LRFN2: variants seen among roughly 807,000 people sequenced by gnomAD.
The protein encoded by LRFN2 is leucine-rich repeat and fibronectin type-III domain-containing protein 2.
In LRFN2, 18 loss-of-function variants were observed where a neutral mutation model predicts 37.3. That is an observed-to-expected ratio of 0.48 (90% CI 0.33 to 0.72). The LOEUF is 0.72. Ranked by LOEUF, LRFN2 falls within the 30% of genes least tolerant of loss-of-function variation. The pLI, the probability that LRFN2 is intolerant of heterozygous loss-of-function variation, is 0.02. For missense variants in LRFN2, 1,006 were observed against 1,060.7 expected (o/e 0.95, Z 0.72); for synonymous variants, 556 against 466.6 (o/e 1.19, Z -2.47).
chr6:40,529,590 T>C (rs1263982164), intron 1 of LRFN2, among the ~76,000 whole-genome samples: 1 of 152,232 alleles, frequency 6.6e-6, no homozygotes, highest in South Asian at 2.1e-4. Context: ...ATGGACTGTC[T>C]GTGGATTTAG....
At chr6:40,519,382 T>C (rs1765983118) in intron 1 of LRFN2, among the ~76,000 whole-genome samples, 1 of 152,198 alleles carries the variant, frequency 6.6e-6, no homozygotes, top group South Asian at 2.1e-4. Flanking sequence ...TTCACATTCT[T>C]TTCTATAAGA....
intron 1 of LRFN2, among the ~76,000 whole-genome samples, chr6:40,529,656 A>G (rs754416405): frequency 1.4e-4 from 21 of 152,162 alleles, no homozygotes; most frequent in Non-Finnish European, 2.4e-4. Flanking sequence ...GTCACATTTC[A>G]TTGCAGACAC....
intron 1 of LRFN2, among the ~76,000 whole-genome samples, chr6:40,535,306 T>C (rs72853014): frequency 0.015 from 2,352 of 152,294 alleles, 31 homozygotes; most frequent in East Asian, 0.06. Context: ...ATTACCATCA[T>C]TATCATGACT....
intron 2 of LRFN2, among the ~76,000 whole-genome samples, chr6:40,412,312 G>A (rs1326350912): frequency 6.6e-6 from 1 of 152,112 alleles, no homozygotes; most frequent in African/African-American, 2.4e-5. Context: ...CATATTTTGA[G>A]GGATCCCTTT....
chr6:40,407,413 C>A (rs953543237), intron 2 of LRFN2, among the ~76,000 whole-genome samples: 18 of 152,192 alleles, frequency 1.2e-4, no homozygotes. Flanking sequence ...CTCTCTGAAC[C>A]TCTGTTTCCT....
At chr6:40,418,309 C>T (rs1763141601) in intron 2 of LRFN2, among the ~76,000 whole-genome samples, 1 of 152,196 alleles carries the variant, frequency 6.6e-6, no homozygotes, top group Admixed American at 6.5e-5. Flanking sequence ...CCATATAAAA[C>T]TGTAGCCCTC....
intron 1 of LRFN2, among the ~76,000 whole-genome samples, chr6:40,525,067 T>C (rs922438938): frequency 6.6e-6 from 1 of 152,206 alleles, no homozygotes; most frequent in African/African-American, 2.4e-5. Flanking sequence ...AAAGTGGGCA[T>C]AGATGGATTT....
At chr6:40,526,349 T>G (rs1206797928) in intron 1 of LRFN2, among the ~76,000 whole-genome samples, 1 of 152,232 alleles carries the variant, frequency 6.6e-6, no homozygotes, top group Non-Finnish European at 1.5e-5. Context: ...ATAGTTTTCC[T>G]TGAAGAGGCC....
intron 1 of LRFN2, among the ~76,000 whole-genome samples, chr6:40,508,750 T>A (rs1561885985): frequency 6.6e-6 from 1 of 152,164 alleles, no homozygotes; most frequent in Non-Finnish European, 1.5e-5. Flanking sequence ...CCATAAATGC[T>A]CAAATATGCC....
chr6:40,473,655 T>G (rs922024213), intron 1 of LRFN2, among the ~76,000 whole-genome samples: 2 of 152,166 alleles, frequency 1.3e-5, no homozygotes, highest in African/African-American at 4.8e-5. Context: ...CCATGGTGGT[T>G]TGCTGCATCT....
intron 1 of LRFN2, among the ~76,000 whole-genome samples, chr6:40,454,495 G>A (rs1273860766): frequency 6.6e-6 from 1 of 152,114 alleles, no homozygotes; most frequent in Non-Finnish European, 1.5e-5. Context: ...GGGGCTGCAG[G>A]GAAGTTTTAT....
At position 40,533,049 on chromosome 6, in the gene LRFN2, C is replaced by T. The variant is rs1044558541; in HGVS notation, c.-19+53892G>A. 5.3e-5 allele frequency among the ~76,000 whole-genome samples: 8 copies of T among 152,252 alleles called. No individual in the cohort carries two copies. The South Asian group carries it at 1.2e-3, about 24-fold the overall frequency. On this transcript the variant is annotated intron_variant, in intron 1 of 2. Transcript: ENST00000338305. The stretch of plus-strand genomic sequence containing the variant: ...GTGTTAAATTCCCACAGGATGAGAA[C>T]GTTTCCCAGGGCTTCTTGGGGTGTC...
At chr6:40,543,531 A>T (rs1766595582) in intron 1 of LRFN2, among the ~76,000 whole-genome samples, 1 of 152,136 alleles carries the variant, frequency 6.6e-6, no homozygotes, top group East Asian at 1.9e-4. Flanking sequence ...CTAGCGAAAC[A>T]AGCTGTGGGA....
At chr6:40,532,411 C>T (rs561970390) in intron 1 of LRFN2, among the ~76,000 whole-genome samples, 80 of 152,308 alleles carry the variant, frequency 5.3e-4, no homozygotes, top group African/African-American at 1.8e-3. Context: ...ATGTCATGTG[C>T]TTTATCTTTT....
chr6:40,419,042 A>G (rs1044526581), intron 2 of LRFN2, among the ~76,000 whole-genome samples: 1 of 152,192 alleles, frequency 6.6e-6, no homozygotes, highest in Non-Finnish European at 1.5e-5. Flanking sequence ...TTACAAACTC[A>G]AGGGGCAGGG....
intron 1 of LRFN2, among the ~76,000 whole-genome samples, chr6:40,531,837 A>G (rs1766348884): frequency 2.0e-5 from 3 of 151,960 alleles, no homozygotes; most frequent in Admixed American, 2.0e-4. Flanking sequence ...TCCCTATTCT[A>G]TCATCTACAT....
chr6:40,498,099 T>C (rs1483969615), intron 1 of LRFN2, among the ~76,000 whole-genome samples: 1 of 152,060 alleles, frequency 6.6e-6, no homozygotes, highest in African/African-American at 2.4e-5. Flanking sequence ...GGAGGCAACA[T>C]TGACTCTACA....
chr6:40,575,362 C>T (rs1192783861), intron 1 of LRFN2, among the ~76,000 whole-genome samples: 1 of 151,424 alleles, frequency 6.6e-6, no homozygotes, highest in African/African-American at 2.4e-5. Flanking sequence ...CACACAAAGG[C>T]AGTCCTGAGA....
intron 1 of LRFN2, among the ~76,000 whole-genome samples, chr6:40,497,003 A>C (rs576645331): frequency 5.6e-4 from 85 of 152,226 alleles, no homozygotes; most frequent in African/African-American, 1.1e-3. Flanking sequence ...GTGTCGGGTG[A>C]CTGGATGTAA....
Sources: allele counts gnomAD v4.1 joint callset (sites outside exome capture counted in the v4.1 genomes callset), GRCh38; gene constraint gnomAD v4.1.1; transcripts MANE v1.5; gene names NCBI Gene and HGNC (gene_info 2026-07-23, HGNC 2026-07-21).